SYNJ2: variants seen among roughly 807,000 people sequenced by gnomAD.
The protein encoded by SYNJ2 is polyphosphatidylinositol phosphatase SYNJ2.
A neutral mutation model predicts 141.3 loss-of-function variants in SYNJ2; 116 were observed. The ratio of observed to expected loss-of-function variants is 0.82; its 90% CI spans 0.71 to 0.96. The LOEUF is 0.96. Ranked by LOEUF, SYNJ2 falls within the 40% of genes least tolerant of loss-of-function variation. The pLI is 0.00. For synonymous variants in SYNJ2, 745 were observed against 777.7 expected, an observed-to-expected ratio of 0.96 and a Z score of 0.70; for missense variants, 1,873 against 1,934.8, an observed-to-expected ratio of 0.97 and a Z score of 0.60.
chr6:158,072,416 T>G (rs1021331020), intron 15 of SYNJ2, among the ~76,000 whole-genome samples: 18 of 152,232 alleles, frequency 1.2e-4, no homozygotes, highest in Non-Finnish European at 2.9e-5. Flanking sequence ...CTCCTTCCTG[T>G]GCAAAGATGC....
In SYNJ2 at chr6:158,063,153, C is replaced by T. The variant is rs150393267; in HGVS notation, c.1128-638C>T. ...GCAGGAACCTAACCCTATATTTCCC[C>T]TAGGAGCGATGGTTCTGTGTTCATG... On this transcript the variant is annotated intron_variant, in intron 8 of 26. Transcript: ENST00000355585. Among the ~76,000 whole-genome samples the T allele has an allele frequency of 3.3e-5, 5 of 152,282 alleles. No homozygotes were observed. In the East Asian group the frequency reaches 9.6e-4, roughly 29 times the overall value.
chr6:158,000,246 A>G (rs538030420), intron 1 of SYNJ2, among the ~76,000 whole-genome samples: 2 of 152,164 alleles, frequency 1.3e-5, no homozygotes, highest in African/African-American at 4.8e-5. Flanking sequence ...GTTTTCTCCT[A>G]GAGACAGACA....
intron 2 of SYNJ2, among the ~76,000 whole-genome samples, chr6:158,023,264 TA>T (rs112882268): frequency 0.017 from 2,140 of 125,236 alleles, 16 homozygotes; most frequent in African/African-American, 0.036. Context: ...TCTCTAAATT[TA>T]AAAAAAAAAA....
Position 158,096,454 on chromosome 6 carries a change from C to A in SYNJ2, c.*90C>A. Reference sequence around the variant, plus strand: ...ACCAGAAGAGACATCTATTTAAAGGCACACTGGCCAAAACGTTTGTGCATC... The same window carrying A: ...ACCAGAAGAGACATCTATTTAAAGGAACACTGGCCAAAACGTTTGTGCATC... On this transcript the variant is annotated 3_prime_UTR_variant, in exon 27 of 27. Coordinates refer to ENST00000355585, the MANE Select transcript of SYNJ2 (RefSeq NM_003898.4). 1.4e-6 allele frequency: 2 copies of A among 1,427,804 alleles called. No homozygotes were observed. Among genetic ancestry groups the A allele is most frequent in the South Asian group, 1.4e-5 (1 of 70,634 alleles). The allele number at this position is 1,427,804 out of a possible 1,614,324, so 88.4% of individuals were successfully genotyped here.
At chr6:158,029,471 AG>A (rs547144012) in intron 3 of SYNJ2, 1 of 157,252 alleles carries the variant, frequency 6.4e-6, no homozygotes, top group African/African-American at 2.4e-5. Context: ...AGGCTGAGGC[AG>A]GAGAATCGCT....
At chr6:157,990,125 G>A (rs1029379082) in intron 1 of SYNJ2, among the ~76,000 whole-genome samples, 7 of 152,314 alleles carry the variant, frequency 4.6e-5, no homozygotes, top group East Asian at 1.9e-4. Context: ...AAGGTGACTC[G>A]GAGCAGCGGA....
At chr6:158,042,964 C>G (rs548946127) in intron 4 of SYNJ2, among the ~76,000 whole-genome samples, 1 of 152,314 alleles carries the variant, frequency 6.6e-6, no homozygotes, top group Admixed American at 6.5e-5. Flanking sequence ...AGGTTACATT[C>G]CAGAGCACAC....
intron 7 of SYNJ2, 108 bp downstream of exon 7, chr6:158,059,461 C>A: frequency 6.7e-7 from 1 of 1,500,886 alleles, no homozygotes; most frequent in Non-Finnish European, 8.9e-7. Context: ...CAGCCCAGCC[C>A]TCCTTCGTTT....
rs1779885864 is a variant in SYNJ2 at position 158,040,453 on chromosome 6, T to G, written c.712-2863T>G. Among the ~76,000 whole-genome samples the G allele has an allele frequency of 6.6e-6, 1 of 152,024 alleles. No homozygotes were observed. Among genetic ancestry groups the G allele is most frequent in the Non-Finnish European group, 1.5e-5 (1 of 67,998 alleles). On this transcript the variant is annotated intron_variant, in intron 4 of 26. Coordinates refer to ENST00000355585, the MANE Select transcript of SYNJ2 (RefSeq NM_003898.4). The surrounding 1 kb of genome is among the most constrained non-coding windows in gnomAD (Gnocchi z 4.2). ...AAGCCTTGAGTCTTTTTGGCTCTGCTGAGTCATAGCTGGTGGGCTTGCTCT... is the reference window on the plus strand; with the variant it reads ...AAGCCTTGAGTCTTTTTGGCTCTGCGGAGTCATAGCTGGTGGGCTTGCTCT...
chr6:158,075,283 C>A (rs1782206219), intron 16 of SYNJ2, among the ~76,000 whole-genome samples: 1 of 151,694 alleles, frequency 6.6e-6, no homozygotes, highest in South Asian at 2.1e-4. Context: ...TGCTTCCTAG[C>A]AGGATGAGCT....
intron 6 of SYNJ2, 26 bp from the exon 7 acceptor site, chr6:158,059,231 T>C: frequency 6.5e-7 from 1 of 1,531,906 alleles, no homozygotes; most frequent in South Asian, 1.2e-5. Flanking sequence ...GTGCCCAGCA[T>C]CACGCCCACC....
At chr6:158,054,545 A>T (rs1225156851) in intron 5 of SYNJ2, among the ~76,000 whole-genome samples, 1 of 152,240 alleles carries the variant, frequency 6.6e-6, no homozygotes, top group Non-Finnish European at 1.5e-5. Flanking sequence ...GATCATTAGG[A>T]TGACTCAGAT....
chr6:158,084,077 G>A lies in SYNJ2; in HGVS notation c.3111G>A (p.Gly1037=). The A allele has an allele frequency of 6.2e-7, 1 of 1,614,142 alleles. No homozygotes were observed. The highest frequency in any genetic ancestry group is 8.5e-7 in the Non-Finnish European group (1 of 1,180,020). ...CTGGAGTCTCGGACAGTGAACTCGG[G>A]GGAGACGACCTCTCTGATGTCCCCG... ...NQPGVSDSEL[G]GDDLSDVPGP... The change falls in exon 22 of 27, where the codon GGG becomes GGA. Residue 1037 remains glycine (G), a synonymous_variant. Transcript: ENST00000355585. This position sits in a 1 kb window ranked among gnomAD's most constrained non-coding sequence, Gnocchi z 5.0.
chr6:157,997,998 G>A (rs1351426090), intron 1 of SYNJ2, among the ~76,000 whole-genome samples: 3 of 152,236 alleles, frequency 2.0e-5, no homozygotes, highest in Admixed American at 2.0e-4. Context: ...CTGTTGGTGT[G>A]GTTGATCAGT....
At chr6:158,037,295 T>C (rs1269775533) in intron 4 of SYNJ2, among the ~76,000 whole-genome samples, 1 of 62,644 alleles carries the variant, frequency 1.6e-5, no homozygotes, top group African/African-American at 6.7e-5. Context: ...CATCTCTCCA[T>C]CATCTCTGCC....
At chr6:158,052,489 C>T in intron 5 of SYNJ2, among the ~76,000 whole-genome samples, 1 of 152,132 alleles carries the variant, frequency 6.6e-6, no homozygotes, top group African/African-American at 2.4e-5. Flanking sequence ...AGCATGGTGC[C>T]AGCATCTGCT....
rs1051299460 is a variant in SYNJ2, at chr6:158,027,296, C to T, written c.215-1460C>T. The stretch of plus-strand genomic sequence containing the variant: ...GCCCTTGATCATTCACAGAAGATCT[C>T]GCTGGGCGGATCCTTCAGACCTCAG... On this transcript the variant is annotated intron_variant, in intron 2 of 26. Coordinates refer to ENST00000355585, the MANE Select transcript of SYNJ2 (RefSeq NM_003898.4). This position sits in a 1 kb window ranked among gnomAD's most constrained non-coding sequence, Gnocchi z 4.6. 27 of 765,148 alleles carry T rather than the reference C, an allele frequency of 3.5e-5. No individual in the cohort carries two copies. The highest frequency in any genetic ancestry group is 4.3e-5 in the Non-Finnish European group (27 of 629,092). The allele number at this position is 765,148 out of a possible 1,614,324, so 47.4% of individuals were successfully genotyped here.
intron 26 of SYNJ2, among the ~76,000 whole-genome samples, chr6:158,094,641 T>C (rs1187084088): frequency 6.6e-6 from 1 of 152,194 alleles, no homozygotes; most frequent in African/African-American, 2.4e-5. Flanking sequence ...GGAGTTAAAG[T>C]TAAAAGGCTG....
At chr6:158,058,733 C>A (rs1164082324) in intron 6 of SYNJ2, among the ~76,000 whole-genome samples, 1 of 152,126 alleles carries the variant, frequency 6.6e-6, no homozygotes, top group Non-Finnish European at 1.5e-5. Flanking sequence ...TCGAGACCAG[C>A]CTGGACAACA....
Sources: allele counts gnomAD v4.1 joint callset (sites outside exome capture counted in the v4.1 genomes callset), GRCh38; gene constraint gnomAD v4.1.1; non-coding constraint Gnocchi (gnomAD v3.1); transcripts MANE v1.5; gene names NCBI Gene and HGNC (gene_info 2026-07-23, HGNC 2026-07-21).